BSG: variants seen among roughly 807,000 people sequenced by gnomAD.
BSG encodes basigin.
A neutral mutation model predicts 43.1 loss-of-function variants in BSG; 37 were observed. The observed-to-expected ratio is 0.86, with a 90% CI of 0.66 to 1.13. BSG has a LOEUF of 1.13. Among genes scored for constraint, BSG ranks in the 50% most tolerant of loss-of-function variants. BSG has a pLI of 0.00. For synonymous variants in BSG, 309 were observed against 238.7 expected, an observed-to-expected ratio of 1.29 and a Z score of -2.72; for missense variants, 599 against 554.2, an observed-to-expected ratio of 1.08 and a Z score of -0.81.
intron 3 of BSG, 104 bp from the exon 4 acceptor site, chr19:580,275 T>A: frequency 9.9e-7 from 1 of 1,011,448 alleles, no homozygotes; most frequent in South Asian, 1.5e-5. Context: ...ACTGGGACAG[T>A]TTTGCTTTTT....
chr19:579,385 T>G (rs1982074727), intron 2 of BSG, 115 bp from the exon 3 acceptor site: 6 of 1,426,632 alleles, frequency 4.2e-6, no homozygotes, highest in African/African-American at 2.8e-5. Context: ...CACGGTGTAT[T>G]TTTGGGATGA....
intron 6 of BSG, among the ~76,000 whole-genome samples, chr19:581,903 A>G (rs1247153530): frequency 2.0e-5 from 3 of 152,228 alleles, no homozygotes; most frequent in Admixed American, 2.0e-4. Flanking sequence ...GCTGCTCTGC[A>G]TGATCAGGCT....
At chr19:575,010 C>T (rs1981638245) in intron 1 of BSG, 1 of 152,248 alleles carries the variant, frequency 6.6e-6, no homozygotes, top group Non-Finnish European at 1.5e-5. Flanking sequence ...TTGGTCTCTC[C>T]CTGCTGGGTA....
At chr19:572,828 C>A in intron 1 of BSG, 127 bp downstream of exon 1, 1 of 1,119,610 alleles carries the variant, frequency 8.9e-7, no homozygotes, top group Non-Finnish European at 1.1e-6. Context: ...GAAAGGCCGG[C>A]CCCGGGGGCT....
Position 572,598 on chromosome 19 carries a change from C to A in BSG, c.-37C>A. On this transcript the variant is annotated 5_prime_UTR_variant, in exon 1 of 9. Coordinates refer to ENST00000333511, the MANE Select transcript of BSG (RefSeq NM_001728.4). The stretch of plus-strand genomic sequence containing the variant: ...TAGCGGCCGCGGGCGGCGGCGGCAG[C>A]GGTTGGAGGTTGTAGGACCGGCGAG... The A allele has an allele frequency of 1.4e-6, 2 of 1,455,080 alleles. No individual in the cohort carries two copies. Among genetic ancestry groups the A allele is most frequent in the Non-Finnish European group, 1.8e-6 (2 of 1,095,816 alleles). 90.1% of individuals were successfully genotyped at this position (1,455,080 alleles called of 1,614,324 possible).
rs200263783 is a variant in BSG, at chr19:580,663, G to T, written c.673G>T (p.Ala225Ser). The T allele has an allele frequency of 2.5e-6, 4 of 1,612,862 alleles. No homozygotes were observed. In the Admixed American group the frequency reaches 6.7e-5, roughly 27 times the overall value. The part of the protein sequence containing the change: ...IQLHGPPRVK[A>S]VKSSEHINEG... ...CCTGTCAGGGCCTCCCAGAGTGAAG[G>T]CTGTGAAGTCGTCAGAACACATCAA... The change falls in exon 5 of 9, where the codon GCT (alanine) becomes TCT (serine). Residue 225 changes from alanine to serine, a missense_variant. Ala to Ser is a moderately conservative substitution (Grantham distance 99, BLOSUM62 1). Transcript: ENST00000333511.
intron 1 of BSG, among the ~76,000 whole-genome samples, chr19:573,408 T>C (rs1981466859): frequency 6.6e-6 from 1 of 152,218 alleles, no homozygotes; most frequent in Admixed American, 6.5e-5. Context: ...AAAGGGGCTT[T>C]TGTCCTCCAA....
At chr19:573,785 C>T (rs1484086417) in intron 1 of BSG, among the ~76,000 whole-genome samples, 1 of 152,186 alleles carries the variant, frequency 6.6e-6, no homozygotes, top group East Asian at 1.9e-4. Flanking sequence ...GACCCGCATT[C>T]GGTTTCCAGT....
At chr19:577,705 C>G (rs2145893780) in intron 1 of BSG, 69 bp from the exon 2 acceptor site, 1 of 1,261,416 alleles carries the variant, frequency 7.9e-7, no homozygotes, top group East Asian at 3.0e-5. Flanking sequence ...GTGGGCGAGG[C>G]CTTCCCCAGG....
intron 1 of BSG, chr19:575,442 G>C (rs914861411): frequency 2.6e-5 from 4 of 152,134 alleles, no homozygotes; most frequent in African/African-American, 9.7e-5. Context: ...GGGACCGGAG[G>C]GCCGGGGTGT....
upstream of BSG, chr19:572,293 C>G (rs28915402): frequency 1.9e-3 from 1,372 of 734,796 alleles, 20 homozygotes; most frequent in African/African-American, 0.024. Flanking sequence ...TCAACCCCCT[C>G]GGGCGCACCG....
chr19:577,967 G>A lies in BSG; in HGVS notation c.261G>A (p.Gln87=), dbSNP rs137914704. Residue 87 remains glutamine (Q), a synonymous_variant, in exon 2 of 9, where the codon CAG becomes CAA. Transcript: ENST00000333511. ...DRVHIHATYH[Q]HAASTISIDT... Reference sequence around the variant, plus strand: ...TCCACATCCACGCCACCTACCACCAGCACGCGGCCAGCACCATCTCCATCG... The same window carrying A: ...TCCACATCCACGCCACCTACCACCAACACGCGGCCAGCACCATCTCCATCG... 222 of 1,612,044 alleles carry A rather than the reference G, an allele frequency of 1.4e-4. 2 individuals carry two copies. The South Asian group carries it at 2.3e-3, about 17-fold the overall frequency.
chr19:579,429 C>A (rs773702174), intron 2 of BSG, 71 bp from the exon 3 acceptor site: 2 of 1,594,818 alleles, frequency 1.3e-6, no homozygotes, highest in South Asian at 1.1e-5. Flanking sequence ...GCCGCAGGTT[C>A]CTGGGGGTCA....
chr19:572,994 C>G (rs1481677823), intron 1 of BSG, among the ~76,000 whole-genome samples: 2 of 152,144 alleles, frequency 1.3e-5, no homozygotes, highest in African/African-American at 4.8e-5. Flanking sequence ...AGGCGGGAGC[C>G]AGGGGGTCCT....
At chr19:573,785 C>A (rs1484086417) in intron 1 of BSG, among the ~76,000 whole-genome samples, 2 of 152,186 alleles carry the variant, frequency 1.3e-5, no homozygotes. Flanking sequence ...GACCCGCATT[C>A]GGTTTCCAGT....
At chr19:578,834 G>T (rs183656586) in intron 2 of BSG, 6 of 353,912 alleles carry the variant, frequency 1.7e-5, no homozygotes, top group Non-Finnish European at 1.1e-5. Context: ...GGGTTCAAGC[G>T]ATTCTTCTGC....
At chr19:578,314 C>T (rs1181381132) in intron 2 of BSG, 193 bp downstream of exon 2, 7 of 518,560 alleles carry the variant, frequency 1.3e-5, no homozygotes, top group South Asian at 7.7e-5. Flanking sequence ...CAGCGCTGGG[C>T]GGCCTGGCTC....
upstream of BSG, chr19:572,472 G>C: frequency 8.6e-7 from 1 of 1,167,908 alleles, no homozygotes; most frequent in Non-Finnish European, 1.1e-6. Flanking sequence ...GAGCGTGTGC[G>C]CGCGTGCGCA....
upstream of BSG, chr19:572,437 C>T: frequency 8.8e-7 from 1 of 1,141,996 alleles, no homozygotes; most frequent in Non-Finnish European, 1.1e-6. Flanking sequence ...GTAGCGTGAG[C>T]CTGCCGGAGC....
Sources: gnomAD v4.1 joint callset for allele counts (sites outside exome capture counted in the v4.1 genomes callset) on GRCh38, gnomAD v4.1.1 for gene constraint, MANE v1.5 for transcripts, NCBI Gene and HGNC (gene_info 2026-07-23, HGNC 2026-07-21) for gene names.